Variants in FBN3 observed in about 807,000 individuals in gnomAD.
FBN3 encodes the protein fibrillin 3.
In FBN3, 234 loss-of-function variants were observed where a neutral mutation model predicts 330.1. The ratio of observed to expected loss-of-function variants is 0.71; its 90% confidence interval spans 0.64 to 0.79. The LOEUF is 0.79. FBN3 is among the 30% of genes least tolerant of loss of function. The pLI, the probability that FBN3 is intolerant of heterozygous loss-of-function variation, is 0.00. For missense variants in FBN3, 3,606 were observed against 3,886.9 expected (o/e 0.93, Z 1.92); for synonymous variants, 1,458 against 1,517.3 (o/e 0.96, Z 0.91).
intron 8 of FBN3, among the ~76,000 whole-genome samples, chr19:8,138,995 A>C (rs922533795): frequency 2.6e-5 from 4 of 151,542 alleles, no homozygotes; most frequent in African/African-American, 9.7e-5. Flanking sequence ...CAAAGATTGC[A>C]GTGAGCTGAG....
Position 8,066,097 on chromosome 19 carries a change from C to T in FBN3, c.8252G>A (p.Arg2751His), listed in dbSNP as rs764446097. 6.8e-6 allele frequency: 11 copies of T among 1,613,396 alleles called. No homozygotes were observed. Among genetic ancestry groups the T allele is most frequent in the South Asian group, 3.3e-5 (3 of 91,088 alleles). Reference protein sequence around the residue: ...IVRGNEQGFFRMHHLRGVSSL... With the variant: ...IVRGNEQGFFHMHHLRGVSSL... ...GCTGACGCCACGGAGGTGATGCATG[C>T]GAAAGAAACCTTGCTCGTTTCCGCG... The change falls in exon 64 of 64, where the codon CGC becomes CAC. Residue 2751 changes from arginine (R) to histidine (H), a missense_variant. Physicochemically the swap from Arg to His is conservative, Grantham distance 29. Transcript: ENST00000600128.
At chr19:8,142,198 G>A (rs557962983) in intron 6 of FBN3, 61 bp from the exon 7 acceptor site, 88 of 1,351,702 alleles carry the variant, frequency 6.5e-5, no homozygotes, top group Admixed American at 6.0e-4. Flanking sequence ...AGATCTCTGC[G>A]TCTCTAACAC....
chr19:8,103,454 TA>T (rs2082371496), intron 39 of FBN3, 107 bp downstream of exon 39: 1 of 1,177,670 alleles, frequency 8.5e-7, no homozygotes, highest in East Asian at 2.4e-5. Context: ...CAGCACTTCA[TA>T]TATGCTTACC....
Position 8,086,268 on chromosome 19 carries a change from G to C in FBN3, c.6812C>G (p.Thr2271Ser). The C allele has an allele frequency of 6.2e-7, 1 of 1,612,028 alleles. No homozygotes were observed. Among genetic ancestry groups the C allele is most frequent in the Non-Finnish European group, 8.5e-7 (1 of 1,178,914 alleles). The change falls in exon 55 of 64, where the codon ACC becomes AGC. Residue 2271 changes from threonine (T) to serine (S), a missense_variant. Coordinates refer to ENST00000600128, the MANE Select transcript of FBN3 (RefSeq NM_032447.5). ...ACAGTCGCACCGGAAGCTGCCCGCG[G>C]TGTTGACACAGCGGCCGTTGACACA... ...DLCVNGRCVN[T>S]AGSFRCDCDE...
In FBN3 at chr19:8,144,886, A is replaced by G. The variant is rs1474406968; in HGVS notation, c.532T>C (p.Cys178Arg). 1.2e-6 allele frequency: 2 copies of G among 1,608,962 alleles called. No individual in the cohort carries two copies. The highest frequency in any genetic ancestry group is 3.4e-5 in the Admixed American group (2 of 59,204). Residue 178 changes from cysteine to arginine, a missense_variant, in exon 6 of 64, where the codon TGT becomes CGT. Physicochemically the swap from Cys to Arg is radical, Grantham distance 180 (BLOSUM62 -3). Transcript: ENST00000600128. ...CGCGCATGCTTGGTACCTCTCTCAC[A>G]TTGAGGTCCCATGAAGCCATACACA... Reference protein sequence around the residue: ...ACVYGFMGPQCERDYRTGPCF... With the variant: ...ACVYGFMGPQRERDYRTGPCF...
chr19:8,133,023 G>A lies in FBN3; in HGVS notation c.1675C>T (p.Pro559Ser). ...CCGCCAGGCGCCAGCAGGAAGCCGG[G>A]TTTGCAGAGGCAGGAGAAGCTGCCA... ...EDGSFSCLCKPGFLLAPGGHY... is the reference protein window; with the variant it reads ...EDGSFSCLCKSGFLLAPGGHY... Residue 559 changes from proline to serine, a missense_variant, in exon 14 of 64, where the codon CCC becomes TCC. Coordinates refer to ENST00000600128, the MANE Select transcript of FBN3 (RefSeq NM_032447.5). 10 of 1,584,150 alleles carry A rather than the reference G, an allele frequency of 6.3e-6. No homozygotes were observed. The highest frequency in any genetic ancestry group is 1.7e-4 in the Middle Eastern group (1 of 6,032).
At position 8,096,904 on chromosome 19, in the gene FBN3, A is replaced by G. The variant is rs117795519; in HGVS notation, c.5390T>C (p.Leu1797Pro). 56 of 1,613,630 alleles carry G rather than the reference A, an allele frequency of 3.5e-5. No homozygotes were observed. In the East Asian group the frequency reaches 1.1e-3, roughly 32 times the overall value. Residue 1797 changes from leucine to proline, a missense_variant, in exon 43 of 64, where the codon CTG becomes CCG. Coordinates refer to ENST00000600128, the MANE Select transcript of FBN3 (RefSeq NM_032447.5). The surrounding 1 kb of genome is among the most constrained non-coding windows in gnomAD (Gnocchi z 4.6). The part of the protein sequence containing the change: ...YRCKCTRGYK[L>P]SPGGACVGRN... ...ACCCACACAAGCCCCGCCTGGCGAC[A>G]GTTTGTACCCTCGGGTGCACTTGCA... is the stretch of plus-strand genomic sequence containing the variant.
intron 30 of FBN3, among the ~76,000 whole-genome samples, chr19:8,115,017 G>A (rs530123761): frequency 6.6e-6 from 1 of 152,108 alleles, no homozygotes; most frequent in East Asian, 1.9e-4. Context: ...TACTATGCCT[G>A]GCTAATTTTT....
chr19:8,147,931 C>CG lies in FBN3; in HGVS notation c.-17-435dup, dbSNP rs200660865. 9.7e-3 allele frequency among the ~76,000 whole-genome samples: 1,456 copies of CG among 150,632 alleles called. 31 individuals carry two copies. The highest frequency in any genetic ancestry group is 0.034 in the African/African-American group (1,370 of 40,884). ...GGTGTGGGGAAGGGCAGCAGGGTCC[C>CG]GGGGGGGAAACAGGGTGTCAGAAGG... On this transcript the variant is annotated intron_variant, in intron 1 of 63. Coordinates refer to ENST00000600128, the MANE Select transcript of FBN3 (RefSeq NM_032447.5).
rs760294678 is a variant in FBN3 at position 8,075,079 on chromosome 19, TG to T, written c.7693del (p.Gln2565SerfsTer133). 3.1e-6 allele frequency: 5 copies of T among 1,602,394 alleles called. No homozygotes were observed. The highest frequency in any genetic ancestry group is 4.3e-6 in the Non-Finnish European group (5 of 1,174,132). ...QGFTQHSQWA[Q>X]CVDENECALS... ...CAGCCCTTTTCACTCACCCACACAC[TG>T]GGCCCACTGGGAGTGCTGGGTGAAA... On this transcript the variant is annotated frameshift_variant, in exon 61 of 64. Coordinates refer to ENST00000600128, the MANE Select transcript of FBN3 (RefSeq NM_032447.5). LOFTEE classifies it high-confidence loss of function.
chr19:8,098,535 C>T, intron 41 of FBN3, among the ~76,000 whole-genome samples: 1 of 135,516 alleles, frequency 7.4e-6, no homozygotes, highest in African/African-American at 2.6e-5. Context: ...GGACTGGGAA[C>T]AAACTAAGTG....
intron 6 of FBN3, 71 bp downstream of exon 6, chr19:8,144,806 A>G: frequency 3.9e-6 from 5 of 1,279,418 alleles, no homozygotes; most frequent in Non-Finnish European, 5.5e-6. Flanking sequence ...GCCATGTCTC[A>G]GGGACTTCCA....
Position 8,117,209 on chromosome 19 carries a change from C to T in FBN3, c.3546G>A (p.Gly1182=), listed in dbSNP as rs1001762435. The T allele has an allele frequency of 6.2e-7, 1 of 1,614,108 alleles. No individual in the cohort carries two copies. Among genetic ancestry groups the T allele is most frequent in the Non-Finnish European group, 8.5e-7 (1 of 1,179,990 alleles). Residue 1182 remains glycine (G), a synonymous_variant, in exon 28 of 64, where the codon GGG becomes GGA. Coordinates refer to ENST00000600128, the MANE Select transcript of FBN3 (RefSeq NM_032447.5). ...CGTCGGGCATCAGCGAGTAGCCCTG[C>T]CCACAGCTGCACCGGTAGCTGCCCT... The part of the protein sequence containing the change: ...NTEGSYRCSC[G]QGYSLMPDGR...
At chr19:8,132,484 T>TA (rs1249968526) in intron 14 of FBN3, among the ~76,000 whole-genome samples, 6 of 151,724 alleles carry the variant, frequency 4.0e-5, no homozygotes, top group Non-Finnish European at 5.9e-5. Flanking sequence ...CCCCACCTTA[T>TA]AATGCATCAC....
chr19:8,109,449 G>C lies in FBN3; in HGVS notation c.4457-61C>G, dbSNP rs1325534098. Reference sequence around the variant, plus strand: ...GAGGGAAAGCTGTATGTGTGCGTGTGCATGCATGTGTCTATTTCAACAGGT... The same window carrying C: ...GAGGGAAAGCTGTATGTGTGCGTGTCCATGCATGTGTCTATTTCAACAGGT... On this transcript the variant is annotated intron_variant, in intron 35 of 63. Transcript: ENST00000600128. The surrounding 1 kb of genome is among the most constrained non-coding windows in gnomAD (Gnocchi z 5.2). The C allele has an allele frequency of 1.0e-5, 16 of 1,585,074 alleles. No homozygotes were observed. The East Asian group carries it at 3.1e-4, about 31-fold the overall frequency.
At chr19:8,101,016 AC>A in intron 40 of FBN3, 44 bp from the exon 41 acceptor site, 1 of 1,522,736 alleles carries the variant, frequency 6.6e-7, no homozygotes, top group Non-Finnish European at 9.0e-7. Context: ...TGCAGGCCTG[AC>A]CCCAGCCCGC....
chr19:8,134,108 G>T (rs559935126), intron 13 of FBN3, among the ~76,000 whole-genome samples: 3 of 151,836 alleles, frequency 2.0e-5, no homozygotes, highest in African/African-American at 7.2e-5. Flanking sequence ...CGGGCGTGGT[G>T]GTGGGTGCCT....
At chr19:8,137,847 C>T (rs770531879) in intron 10 of FBN3, among the ~76,000 whole-genome samples, 14 of 151,994 alleles carry the variant, frequency 9.2e-5, no homozygotes, top group Non-Finnish European at 1.5e-4. Flanking sequence ...AGGCTGGTCT[C>T]GAACTCCTGG....
intron 62 of FBN3, 89 bp from the exon 63 acceptor site, chr19:8,072,287 G>A (rs2081533361): frequency 5.9e-6 from 8 of 1,356,180 alleles, no homozygotes; most frequent in African/African-American, 2.9e-5. Context: ...ACTCCGTTCT[G>A]AGTCATGCTG....
Sources: gnomAD v4.1 joint callset for allele counts (sites outside exome capture counted in the v4.1 genomes callset) on GRCh38, gnomAD v4.1.1 for gene constraint, Gnocchi (gnomAD v3.1) non-coding constraint, MANE v1.5 for transcripts, NCBI Gene and HGNC (gene_info 2026-07-23, HGNC 2026-07-21) for gene names.